The following TMIGD3 variants were observed in gnomAD, a reference collection of about 807,000 sequenced individuals.
TMIGD3 encodes transmembrane and immunoglobulin domain containing 3, also known as AD026 protein (AD026).
TMIGD3 carries 21 observed loss-of-function variants against 28.1 expected under a neutral mutation model. The observed-to-expected ratio is 0.75, with a 90% CI of 0.53 to 1.08. The LOEUF is 1.08. Ranked by LOEUF, TMIGD3 falls within the 50% of genes least tolerant of loss-of-function variation. TMIGD3 has a pLI of 0.00. For missense variants in TMIGD3, 416 were observed against 435.6 expected (o/e 0.96, Z 0.40); for synonymous variants, 151 against 162.1 (o/e 0.93, Z 0.52).
intron 1 of TMIGD3, among the ~76,000 whole-genome samples, chr1:111,518,526 T>C (rs1655940819): frequency 6.6e-6 from 1 of 152,182 alleles, no homozygotes; most frequent in Non-Finnish European, 1.5e-5. Context: ...CTGGGAGAAT[T>C]TGGAGGATGA....
At chr1:111,490,627 G>A (rs774100111) in intron 2 of TMIGD3, 29 bp downstream of exon 2, 7 of 1,536,672 alleles carry the variant, frequency 4.6e-6, no homozygotes, top group Non-Finnish European at 5.4e-6. Context: ...CAGCTTAAAG[G>A]GCTGGAGCTG....
At chr1:111,543,264 T>G (rs2101026566) in intron 1 of TMIGD3, among the ~76,000 whole-genome samples, 1 of 152,290 alleles carries the variant, frequency 6.6e-6, no homozygotes, top group South Asian at 2.1e-4. Flanking sequence ...CGTGTTTCTG[T>G]GTGTGTTGTA....
At chr1:111,492,722 G>A (rs756693501) in intron 1 of TMIGD3, among the ~76,000 whole-genome samples, 2 of 151,610 alleles carry the variant, frequency 1.3e-5, no homozygotes, top group Non-Finnish European at 2.9e-5. Context: ...GCTGAGGCAG[G>A]AGAATCGCTT....
intron 3 of TMIGD3, among the ~76,000 whole-genome samples, 194 bp downstream of exon 3, chr1:111,488,483 C>A (rs1407973864): frequency 6.6e-6 from 1 of 152,226 alleles, no homozygotes; most frequent in Non-Finnish European, 1.5e-5. Context: ...CCCTCCTTGT[C>A]CCCAACTTCC....
intron 1 of TMIGD3, among the ~76,000 whole-genome samples, chr1:111,492,612 G>A (rs1395889958): frequency 1.3e-5 from 2 of 152,026 alleles, no homozygotes; most frequent in Non-Finnish European, 2.9e-5. Flanking sequence ...TCAGGAGTTC[G>A]AGACCAGCCT....
intron 1 of TMIGD3, among the ~76,000 whole-genome samples, chr1:111,538,969 G>A (rs3849171): frequency 0.24 from 36,737 of 151,874 alleles, 5,245 homozygotes; most frequent in South Asian, 0.44. Flanking sequence ...ACCCCCAATG[G>A]GCCTGATCCC....
At chr1:111,543,574 C>T (rs1656924343) in intron 1 of TMIGD3, among the ~76,000 whole-genome samples, 2 of 151,058 alleles carry the variant, frequency 1.3e-5, no homozygotes, top group South Asian at 4.2e-4. Context: ...AGATTTTCCT[C>T]ATTAAAAGAT....
At chr1:111,540,787 A>G (rs1199861188) in intron 1 of TMIGD3, among the ~76,000 whole-genome samples, 1 of 152,230 alleles carries the variant, frequency 6.6e-6, no homozygotes, top group Non-Finnish European at 1.5e-5. Context: ...CCAGGGGTAT[A>G]GAACCTGAAG....
At chr1:111,499,738 A>T (rs995846270) in intron 1 of TMIGD3, 1 of 1,388,238 alleles carries the variant, frequency 7.2e-7, no homozygotes, top group Non-Finnish European at 9.3e-7. Flanking sequence ...CCTCCAAAAC[A>T]CTGAATTAGA....
At chr1:111,524,116 G>A (rs12044730) in intron 1 of TMIGD3, among the ~76,000 whole-genome samples, 26 of 139,994 alleles carry the variant, frequency 1.9e-4, no homozygotes, top group East Asian at 9.1e-4. Flanking sequence ...TGCAAGCTCC[G>A]CCTCCCAGGT....
intron 1 of TMIGD3, among the ~76,000 whole-genome samples, chr1:111,544,108 C>T (rs6671851): frequency 0.012 from 1,863 of 152,300 alleles, 35 homozygotes; most frequent in African/African-American, 0.042. Flanking sequence ...CCTAAAATAG[C>T]AGGCTCCCTT....
chr1:111,511,407 T>C (rs1401112835), intron 1 of TMIGD3, among the ~76,000 whole-genome samples: 1 of 152,204 alleles, frequency 6.6e-6, no homozygotes, highest in Admixed American at 6.5e-5. Context: ...CCTGTAAGAA[T>C]GCTGGCTATA....
rs752927277 is a variant in TMIGD3 at position 111,483,673 on chromosome 1, A to T, written c.*14T>A. 53 of 1,601,658 alleles carry T rather than the reference A, an allele frequency of 3.3e-5. No individual in the cohort carries two copies. Among genetic ancestry groups the T allele is most frequent in the Admixed American group, 3.2e-4 (19 of 59,954 alleles). ...GTAGCATCACTTTATGAACTAAATT[A>T]AAAAAATCTTCAGTCACATCTGTTC... On this transcript the variant is annotated 3_prime_UTR_variant, in exon 6 of 6. Transcript: ENST00000369716.
At chr1:111,486,683 G>A (rs1654391792) in intron 3 of TMIGD3, 31 bp from the exon 4 acceptor site, 1 of 1,593,588 alleles carries the variant, frequency 6.3e-7, no homozygotes, top group Non-Finnish European at 8.6e-7. Context: ...TAAGTCAGGT[G>A]AGGCCCATAG....
chr1:111,529,947 C>G (rs866480756), intron 1 of TMIGD3, among the ~76,000 whole-genome samples: 1 of 144,458 alleles, frequency 6.9e-6, no homozygotes, highest in African/African-American at 2.7e-5. Flanking sequence ...TAGGGGCGGC[C>G]GGGCAGAGGC....
At chr1:111,497,494 C>T (rs1163030533) in intron 1 of TMIGD3, among the ~76,000 whole-genome samples, 2 of 152,180 alleles carry the variant, frequency 1.3e-5, no homozygotes, top group African/African-American at 4.8e-5. Flanking sequence ...CTTCATTCAT[C>T]TTTTTTGAGT....
chr1:111,539,484 G>A (rs1335706562), intron 1 of TMIGD3, among the ~76,000 whole-genome samples: 4 of 152,142 alleles, frequency 2.6e-5, no homozygotes, highest in African/African-American at 9.7e-5. Flanking sequence ...TTTTAGTAGA[G>A]ATGGGATTTC....
intron 4 of TMIGD3, among the ~76,000 whole-genome samples, 184 bp downstream of exon 4, chr1:111,486,402 A>ATT (rs11311759): frequency 1.4e-3 from 201 of 142,580 alleles, no homozygotes; most frequent in Non-Finnish European, 1.9e-3. Context: ...CCTAAACTGT[A>ATT]TTTTTTTTTT....
chr1:111,552,369 C>T (rs1657300919), intron 1 of TMIGD3, among the ~76,000 whole-genome samples: 1 of 152,214 alleles, frequency 6.6e-6, no homozygotes, highest in African/African-American at 2.4e-5. Context: ...AAGTCTGTCC[C>T]TCCTATGAAG....
Sources: gnomAD v4.1 joint callset for allele counts (sites outside exome capture counted in the v4.1 genomes callset) on GRCh38, gnomAD v4.1.1 for gene constraint, MANE v1.5 for transcripts, NCBI Gene and HGNC (gene_info 2026-07-23, HGNC 2026-07-21) for gene names.